ZFP82: variants seen among roughly 807,000 people sequenced by gnomAD.
The protein encoded by ZFP82 is ZFP82 zinc finger protein.
In ZFP82, 30 loss-of-function variants were observed where a neutral mutation model predicts 54.0. That is an observed-to-expected ratio of 0.56 (90% CI 0.42 to 0.75). The LOEUF (loss-of-function observed/expected upper bound fraction) is 0.75, where lower values mean the gene tolerates loss of function less well. ZFP82 is among the 30% of genes least tolerant of loss of function. The pLI is 0.00. For missense variants in ZFP82, 500 were observed against 636.8 expected, an observed-to-expected ratio of 0.79 and a Z score of 2.31; for synonymous variants, 194 against 209.5, an observed-to-expected ratio of 0.93 and a Z score of 0.64.
At chr19:36,409,758 C>G (rs377058489) in intron 2 of ZFP82, 23 bp downstream of exon 2, 2 of 1,613,088 alleles carry the variant, frequency 1.2e-6, no homozygotes, top group Non-Finnish European at 1.7e-6. Context: ...TGATAGTATT[C>G]CTAGGAGGAG....
At chr19:36,404,350 G>A (rs2032444905) in intron 4 of ZFP82, among the ~76,000 whole-genome samples, 1 of 152,082 alleles carries the variant, frequency 6.6e-6, no homozygotes, top group Non-Finnish European at 1.5e-5. Flanking sequence ...GTCAGCTAGA[G>A]AAAATAAAAG....
At chr19:36,412,091 A>AGG (rs2032591728) in intron 1 of ZFP82, among the ~76,000 whole-genome samples, 1 of 109,534 alleles carries the variant, frequency 9.1e-6, no homozygotes, top group Non-Finnish European at 2.0e-5. Flanking sequence ...AGAGAGAGAG[A>AGG]GAGAGTGTGC....
intron 4 of ZFP82, among the ~76,000 whole-genome samples, chr19:36,403,492 C>T (rs1012328220): frequency 7.9e-5 from 12 of 151,694 alleles, no homozygotes; most frequent in African/African-American, 1.9e-4. Flanking sequence ...TAGTGGCACA[C>T]GCCCGTAATC....
chr19:36,411,262 A>ATT (rs1366667310), intron 1 of ZFP82, among the ~76,000 whole-genome samples: 1 of 152,098 alleles, frequency 6.6e-6, no homozygotes, highest in Non-Finnish European at 1.5e-5. Flanking sequence ...ATTTGGAATC[A>ATT]TTTATCTAAC....
In ZFP82 at chr19:36,393,759, C is replaced by T. The variant is rs761926690; in HGVS notation, c.581G>A (p.Gly194Asp). The change falls in exon 5 of 5, where the codon GGT becomes GAT. Residue 194 changes from glycine to aspartate, a missense_variant. Coordinates refer to ENST00000392161, the MANE Select transcript of ZFP82 (RefSeq NM_133466.4). ...QLTFHHRIHT[G>D]EKPYECKECG... ...TTCCTTACATTCATACGGTTTTTCA[C>T]CAGTATGAATTCTGTGATGAAAAGT... 3.1e-6 allele frequency: 5 copies of T among 1,613,898 alleles called. No homozygotes were observed. The highest frequency in any genetic ancestry group is 4.2e-6 in the Non-Finnish European group (5 of 1,180,010).
rs549817707 is a variant in ZFP82 at position 36,394,351 on chromosome 19, G to C, written c.230-241C>G. 18 of 454,732 alleles carry C rather than the reference G, an allele frequency of 4.0e-5. 1 individual carries two copies. The highest frequency in any genetic ancestry group is 2.4e-4 in the African/African-American group (12 of 50,062). The allele number at this position is 454,732 out of a possible 1,614,324, so 28.2% of individuals were successfully genotyped here. On this transcript the variant is annotated intron_variant, in intron 4 of 4. Transcript: ENST00000392161. ...GTCAGTGGTTCTCATATTGAGGTGTGGATCAGAATCACCACATAGCTTGTT... is the reference window on the plus strand; with the variant it reads ...GTCAGTGGTTCTCATATTGAGGTGTCGATCAGAATCACCACATAGCTTGTT...
intron 4 of ZFP82, among the ~76,000 whole-genome samples, chr19:36,405,186 GA>G (rs35735133): frequency 0.6 from 52,863 of 88,710 alleles, 12,345 homozygotes; most frequent in Admixed American, 0.63. Context: ...CTGCATCTCA[GA>G]AAAAAAAAAA....
intron 4 of ZFP82, among the ~76,000 whole-genome samples, chr19:36,404,153 G>T (rs918869379): frequency 6.6e-5 from 10 of 152,156 alleles, no homozygotes; most frequent in African/African-American, 2.4e-4. Flanking sequence ...ACAGTGCCCA[G>T]CTCCAAGGCC....
downstream of ZFP82, chr19:36,384,507 G>C (rs1276138402): frequency 1.3e-5 from 2 of 152,182 alleles, no homozygotes; most frequent in Non-Finnish European, 2.9e-5. Context: ...GAATTACACT[G>C]AGTTAAATAA....
intron 1 of ZFP82, among the ~76,000 whole-genome samples, chr19:36,416,756 C>CA (rs1165706150): frequency 0.3 from 20,317 of 68,566 alleles, 2,407 homozygotes; most frequent in Middle Eastern, 0.44. Context: ...AACTCCGTCT[C>CA]AAAAAAAAAA....
chr19:36,408,529 G>A (rs1322964210), intron 2 of ZFP82, among the ~76,000 whole-genome samples: 2 of 152,038 alleles, frequency 1.3e-5, no homozygotes, highest in African/African-American at 2.4e-5. Context: ...GTTAAAAATT[G>A]GTTGTATAGG....
At chr19:36,383,752 C>T (rs574095992), downstream of ZFP82, 1 of 152,176 alleles carries the variant, frequency 6.6e-6, no homozygotes, top group East Asian at 1.9e-4. Flanking sequence ...ATTCATATGA[C>T]AATATCAACA....
At chr19:36,414,329 T>A (rs2032631596) in intron 1 of ZFP82, among the ~76,000 whole-genome samples, 1 of 151,786 alleles carries the variant, frequency 6.6e-6, no homozygotes, top group South Asian at 2.1e-4. Flanking sequence ...AAAACATTGA[T>A]AAATGTTAGA....
At chr19:36,412,008 G>A (rs2032589080) in intron 1 of ZFP82, among the ~76,000 whole-genome samples, 1 of 152,268 alleles carries the variant, frequency 6.6e-6, no homozygotes, top group South Asian at 2.1e-4. Context: ...TGAGTGAGGA[G>A]TGCAGTAACA....
rs2032514740 is a variant in ZFP82, at chr19:36,408,027, C to T, written c.10-14G>A. The T allele has an allele frequency of 1.2e-6, 2 of 1,609,492 alleles. No homozygotes were observed. Among genetic ancestry groups the T allele is most frequent in the South Asian group, 2.2e-5 (2 of 90,604 alleles). ...CATCACTGATCGCTGAAATGACAAA[C>T]CACACATTATAAATGAAATGGAAGA... On this transcript the variant is annotated splice_polypyrimidine_tract_variant and intron_variant, in intron 2 of 4. Coordinates refer to ENST00000392161, the MANE Select transcript of ZFP82 (RefSeq NM_133466.4).
downstream of ZFP82, among the ~76,000 whole-genome samples, chr19:36,385,864 C>T (rs1461647941): frequency 6.6e-6 from 1 of 152,134 alleles, no homozygotes; most frequent in Non-Finnish European, 1.5e-5. Flanking sequence ...ACTGAAAGAG[C>T]TACATGGCTT....
At chr19:36,396,920 T>C (rs1600100328) in intron 4 of ZFP82, among the ~76,000 whole-genome samples, 1 of 150,766 alleles carries the variant, frequency 6.6e-6, no homozygotes. Context: ...ATAGTGCTTA[T>C]AAGAAAATTT....
At chr19:36,413,063 C>T (rs189123864) in intron 1 of ZFP82, among the ~76,000 whole-genome samples, 15 of 152,182 alleles carry the variant, frequency 9.9e-5, no homozygotes, top group Admixed American at 8.5e-4. Flanking sequence ...AGGAATTTAT[C>T]GTTAGGAAAT....
At chr19:36,405,862 T>C (rs2032473590) in intron 3 of ZFP82, among the ~76,000 whole-genome samples, 190 bp from the exon 4 acceptor site, 1 of 152,030 alleles carries the variant, frequency 6.6e-6, no homozygotes, top group Non-Finnish European at 1.5e-5. Context: ...AATGAAAAAA[T>C]CTTTTTAAAA....
Sources: gnomAD v4.1 joint callset for allele counts (sites outside exome capture counted in the v4.1 genomes callset) on GRCh38, gnomAD v4.1.1 for gene constraint, MANE v1.5 for transcripts, NCBI Gene and HGNC (gene_info 2026-07-23, HGNC 2026-07-21) for gene names.